Variants in ADAMTS7 observed in about 807,000 individuals in gnomAD.
The protein encoded by ADAMTS7 is A disintegrin and metalloproteinase with thrombospondin motifs 7.
A neutral mutation model predicts 172.6 loss-of-function variants in ADAMTS7; 89 were observed. The observed-to-expected ratio is 0.52, with a 90% confidence interval of 0.43 to 0.61. ADAMTS7 has a LOEUF of 0.61. Ranked by LOEUF, ADAMTS7 falls within the 20% of genes least tolerant of loss-of-function variation. ADAMTS7 has a pLI of 0.00. For synonymous variants in ADAMTS7, 885 were observed against 978.4 expected (o/e 0.90, Z 1.78); for missense variants, 1,973 against 2,355.6 (o/e 0.84, Z 3.36).
Position 78,759,410 on chromosome 15 carries a change from T to A in ADAMTS7, c.*11A>T. 1 of 1,589,146 alleles carries A rather than the reference T, an allele frequency of 6.3e-7. No homozygotes were observed. The highest frequency in any genetic ancestry group is 1.7e-5 in the Admixed American group (1 of 59,220). On this transcript the variant is annotated 3_prime_UTR_variant, in exon 24 of 24. Coordinates refer to ENST00000388820, the MANE Select transcript of ADAMTS7 (RefSeq NM_014272.5). ...TGAGGTCTGTCGGTCGGTCTGTGCA[T>A]CCTGGCGCAGTCAGCGGCGGGCAAC...
chr15:78,766,739 C>T lies in ADAMTS7; in HGVS notation c.3172G>A (p.Val1058Met), dbSNP rs62012621. The T allele has an allele frequency of 1.9e-4, 298 of 1,610,696 alleles. No homozygotes were observed. Among genetic ancestry groups the T allele is most frequent in the Admixed American group, 2.3e-4 (14 of 60,018 alleles). Residue 1058 changes from valine to methionine, a missense_variant, in exon 19 of 24, where the codon GTG becomes ATG. Val to Met is a conservative substitution (Grantham distance 21). Around this residue, in one of 8 missense-constraint regions of ADAMTS7, gnomAD observed 771 missense variants for 952.6 expected, o/e 0.81. Transcript: ENST00000388820. ...EAPELDLPGPVFVDDFYYDYN... is the reference protein window; with the variant it reads ...EAPELDLPGPMFVDDFYYDYN... ...TCGTAGTAGAAGTCGTCCACAAACA[C>T]GGGCCCCGGCAGGTCCAGCTCTGGA...
intron 4 of ADAMTS7, 85 bp downstream of exon 4, chr15:78,796,505 A>C (rs1312358361): frequency 5.4e-6 from 8 of 1,476,302 alleles, no homozygotes; most frequent in Non-Finnish European, 7.4e-6. Flanking sequence ...GTCCAGCCTG[A>C]CAGCCTTCCT....
chr15:78,795,465 A>C (rs2055631082), intron 4 of ADAMTS7, among the ~76,000 whole-genome samples: 1 of 152,212 alleles, frequency 6.6e-6, no homozygotes, highest in Non-Finnish European at 1.5e-5. Flanking sequence ...AGGTAGAGAT[A>C]ACAGCCCTGG....
chr15:78,789,895 G>A (rs2055555925), intron 6 of ADAMTS7, 57 bp from the exon 7 acceptor site: 8 of 1,532,432 alleles, frequency 5.2e-6, no homozygotes, highest in Non-Finnish European at 7.0e-6. Context: ...AGGCCCACCT[G>A]AGCTAAGGCC....
intron 8 of ADAMTS7, among the ~76,000 whole-genome samples, chr15:78,781,155 C>T (rs934697992): frequency 1.3e-5 from 2 of 152,208 alleles, no homozygotes; most frequent in East Asian, 1.9e-4. Flanking sequence ...GCCTCTGCGA[C>T]GCCCCCAAGT....
At chr15:78,778,752 C>T (rs1039039285) in intron 8 of ADAMTS7, among the ~76,000 whole-genome samples, 12 of 152,104 alleles carry the variant, frequency 7.9e-5, no homozygotes, top group Admixed American at 3.3e-4. Context: ...GGGCAGGTGG[C>T]GCCAGGACAG....
intron 1 of ADAMTS7, 146 bp from the exon 2 acceptor site, chr15:78,800,693 T>C (rs2055713183): frequency 2.8e-6 from 2 of 715,364 alleles, no homozygotes; most frequent in African/African-American, 1.8e-5. Flanking sequence ...CTACTAACTC[T>C]GCTATTTCAT....
intron 16 of ADAMTS7, among the ~76,000 whole-genome samples, chr15:78,769,886 G>A (rs1434698127): frequency 1.3e-5 from 2 of 152,244 alleles, no homozygotes; most frequent in Non-Finnish European, 1.5e-5. Flanking sequence ...ATTAGGCCAG[G>A]GGCAGTGGCT....
rs2141470504 is a variant in ADAMTS7 at position 78,763,910 on chromosome 15, A to C, written c.4593+16T>G. The C allele has an allele frequency of 2.6e-6, 4 of 1,556,108 alleles. No homozygotes were observed. The highest frequency in any genetic ancestry group is 3.5e-6 in the Non-Finnish European group (4 of 1,152,206). ...TGAGGGCGTCCCCTCCCCCCAACTCAACGGCCAGGCCTCACCTCCCTCCAG... is the reference window on the plus strand; with the variant it reads ...TGAGGGCGTCCCCTCCCCCCAACTCCACGGCCAGGCCTCACCTCCCTCCAG... On this transcript the variant is annotated intron_variant, in intron 21 of 23. Coordinates refer to ENST00000388820, the MANE Select transcript of ADAMTS7 (RefSeq NM_014272.5).
At position 78,768,440 on chromosome 15, in the gene ADAMTS7, T is replaced by C. The variant is rs116613463; in HGVS notation, c.2519-181A>G. Among the ~76,000 whole-genome samples the C allele has an allele frequency of 8.7e-3, 1,330 of 152,256 alleles. 13 individuals carry two copies. The highest frequency in any genetic ancestry group is 0.041 in the Middle Eastern group (12 of 294). On this transcript the variant is annotated intron_variant, in intron 16 of 23. Coordinates refer to ENST00000388820, the MANE Select transcript of ADAMTS7 (RefSeq NM_014272.5). ...CGTCGCCTCCTCACTGTCCTCCTGG[T>C]TCTCACCCGCCCCCTCTCCTATGTA... is the stretch of plus-strand genomic sequence containing the variant.
chr15:78,784,992 C>G (rs533237713), intron 8 of ADAMTS7, among the ~76,000 whole-genome samples: 56 of 151,616 alleles, frequency 3.7e-4, no homozygotes, highest in African/African-American at 1.3e-3. Flanking sequence ...AGGTACCTCC[C>G]CATAAAAAAA....
rs550136778 is a variant in ADAMTS7 at position 78,781,501 on chromosome 15, T to A, written c.1323-3913A>T. 1.7e-4 allele frequency among the ~76,000 whole-genome samples: 26 copies of A among 152,270 alleles called. 1 individual carries two copies. In the East Asian group the frequency reaches 5.0e-3, roughly 29 times the overall value. On this transcript the variant is annotated intron_variant, in intron 8 of 23. Transcript: ENST00000388820. ...TCTGCTTCTGTCTGGTTCTCCCCGG[T>A]GCCAAGGCTCTGGGAGGCCCCGGCT... is the stretch of plus-strand genomic sequence containing the variant.
In ADAMTS7 at chr15:78,768,190, G is replaced by C. The variant is rs763002735; in HGVS notation, c.2588C>G (p.Pro863Arg). 1.9e-6 allele frequency: 3 copies of C among 1,609,976 alleles called. No individual in the cohort carries two copies. Among genetic ancestry groups the C allele is most frequent in the Non-Finnish European group, 2.5e-6 (3 of 1,179,438 alleles). The change falls in exon 17 of 24, where the codon CCC becomes CGC. Residue 863 changes from proline (P) to arginine (R), a missense_variant. By Grantham distance (103) the Pro-to-Arg change is moderately radical. Transcript: ENST00000388820. Reference protein sequence around the residue: ...AGPVDEEHCDPLGRPDDQQRK... With the variant: ...AGPVDEEHCDRLGRPDDQQRK... Reference sequence around the variant, plus strand: ...CTGTTGGTCATCAGGCCGGCCCAGGGGGTCACAGTGCTCCTCGTCCACGGG... The same window carrying C: ...CTGTTGGTCATCAGGCCGGCCCAGGCGGTCACAGTGCTCCTCGTCCACGGG...
chr15:78,777,073 C>T, intron 9 of ADAMTS7: 1 of 574,116 alleles, frequency 1.7e-6, no homozygotes, highest in Non-Finnish European at 3.1e-6. Flanking sequence ...CTGTCCACAC[C>T]TCTCCCGGCC....
chr15:78,774,414 A>G lies in ADAMTS7; in HGVS notation c.1877-114T>C. On this transcript the variant is annotated intron_variant, in intron 12 of 23. Transcript: ENST00000388820. ...GGCAGGCTGGAGGCTCCCAAGCAGCACCAACATGCTGGAGGCTCCGGCTGG... is the reference window on the plus strand; with the variant it reads ...GGCAGGCTGGAGGCTCCCAAGCAGCGCCAACATGCTGGAGGCTCCGGCTGG... 2.8e-6 allele frequency: 4 copies of G among 1,418,554 alleles called. No homozygotes were observed. In the South Asian group the frequency reaches 5.6e-5, roughly 20 times the overall value. 87.9% of individuals were successfully genotyped at this position (1,418,554 alleles called of 1,614,324 possible).
At chr15:78,810,339 G>A (rs2055848143) in intron 1 of ADAMTS7, 1 of 152,334 alleles carries the variant, frequency 6.6e-6, no homozygotes, top group Non-Finnish European at 1.5e-5. Flanking sequence ...CCGGGCCTGG[G>A]GTCTCCTACA....
Position 78,768,537 on chromosome 15 carries a change from C to T in ADAMTS7, c.2519-278G>A, listed in dbSNP as rs576888698. Among the ~76,000 whole-genome samples, 69 of 152,156 alleles carry T rather than the reference C, an allele frequency of 4.5e-4. 4 individuals carry two copies. The South Asian group carries it at 0.014, about 32-fold the overall frequency. ...GTTGGGTGCCCAGACCCTCTGCATCCCAGCTGAGATGCCTGGGCAGCTCAT... is the reference window on the plus strand; with the variant it reads ...GTTGGGTGCCCAGACCCTCTGCATCTCAGCTGAGATGCCTGGGCAGCTCAT... On this transcript the variant is annotated intron_variant, in intron 16 of 23. Coordinates refer to ENST00000388820, the MANE Select transcript of ADAMTS7 (RefSeq NM_014272.5).
chr15:78,786,234 G>A (rs567836650), intron 8 of ADAMTS7, among the ~76,000 whole-genome samples: 1 of 152,084 alleles, frequency 6.6e-6, no homozygotes, highest in African/African-American at 2.4e-5. Flanking sequence ...GCAAGGTCCG[G>A]ACAGTAAGCA....
rs779680709 is a variant in ADAMTS7 at position 78,798,054 on chromosome 15, C to T, written c.516G>A (p.Pro172=). The T allele has an allele frequency of 9.0e-5, 141 of 1,569,880 alleles. No individual in the cohort carries two copies. The highest frequency in any genetic ancestry group is 1.1e-4 in the Non-Finnish European group (127 of 1,165,334). ...DYFIEPLDSA[P]ARPGHAQPHV... ...GGGGCTGGGCGTGGCCAGGCCGGGC[C>T]GGGGCACTGTCCAGGGGCTCAATGA... The change falls in exon 3 of 24, where the codon CCG becomes CCA. Residue 172 remains proline, a synonymous_variant. Coordinates refer to ENST00000388820, the MANE Select transcript of ADAMTS7 (RefSeq NM_014272.5).
Sources: allele counts gnomAD v4.1 joint callset (sites outside exome capture counted in the v4.1 genomes callset), GRCh38; gene constraint gnomAD v4.1.1; regional missense constraint gnomAD v4.1.1; transcripts MANE v1.5; gene names NCBI Gene and HGNC (gene_info 2026-07-23, HGNC 2026-07-21).